KDM7A: variants seen among roughly 807,000 people sequenced by gnomAD.
KDM7A encodes the protein lysine-specific demethylase 7A.
A neutral mutation model predicts 114.8 loss-of-function variants in KDM7A; 28 were observed. The ratio of observed to expected loss-of-function variants is 0.24; its 90% confidence interval spans 0.18 to 0.33. The LOEUF (loss-of-function observed/expected upper bound fraction) is 0.33, where lower values mean the gene tolerates loss of function less well. KDM7A is among the 10% of genes least tolerant of loss of function. The probability of loss-of-function intolerance (pLI) is 1.00; values close to 1 mark genes in which losing one functional copy is unlikely to be tolerated. For missense variants in KDM7A, 942 were observed against 1,142.5 expected (o/e 0.82, Z 2.53); for synonymous variants, 423 against 397.8 (o/e 1.06, Z -0.75).
At position 140,175,849 on chromosome 7, in the gene KDM7A, C is replaced by G. The variant is rs554432336; in HGVS notation, c.194+895G>C. ...CGCCCGGGCACAGCCGCAGGCGGTCCCGGTGTCGCCAGCTTCGAGCGATGG... is the reference window on the plus strand; with the variant it reads ...CGCCCGGGCACAGCCGCAGGCGGTCGCGGTGTCGCCAGCTTCGAGCGATGG... On this transcript the variant is annotated intron_variant, in intron 1 of 19. Transcript: ENST00000397560. 8.8e-4 allele frequency among the ~76,000 whole-genome samples: 134 copies of G among 152,216 alleles called. 1 individual carries two copies. The highest frequency in any genetic ancestry group is 3.1e-3 in the African/African-American group (128 of 41,554).
intron 1 of KDM7A, among the ~76,000 whole-genome samples, chr7:140,165,962 A>G (rs771813633): frequency 2.0e-5 from 3 of 152,228 alleles, no homozygotes; most frequent in African/African-American, 4.8e-5. Context: ...TTAAACTGCA[A>G]AAGTTACAGC....
At position 140,091,150 on chromosome 7, in the gene KDM7A, G is replaced by A; in HGVS notation, c.2770C>T (p.Arg924Cys). The change falls in exon 20 of 20, where the codon CGT becomes TGT. Residue 924 changes from arginine (R) to cysteine (C), a missense_variant. By Grantham distance (180) the Arg-to-Cys change is radical. Transcript: ENST00000397560. ...PKKGMATAKQ[R>C]LGKILKLNRN... is the part of the protein sequence containing the mutation. ...TTCAACTTAAGGATCTTCCCAAGACGTTGTTTGGCTGTTGCCATTCCTTTT... is the reference window on the plus strand; with the variant it reads ...TTCAACTTAAGGATCTTCCCAAGACATTGTTTGGCTGTTGCCATTCCTTTT... 4 of 1,614,042 alleles carry A rather than the reference G, an allele frequency of 2.5e-6. No individual in the cohort carries two copies. Among genetic ancestry groups the A allele is most frequent in the South Asian group, 1.1e-5 (1 of 91,078 alleles).
chr7:140,104,347 T>C (rs372305292), intron 11 of KDM7A, among the ~76,000 whole-genome samples: 3 of 152,314 alleles, frequency 2.0e-5, no homozygotes, highest in African/African-American at 4.8e-5. Context: ...TTTCTTACCA[T>C]TGCTTTTGGT....
intron 6 of KDM7A, among the ~76,000 whole-genome samples, chr7:140,126,096 C>T (rs541673888): frequency 6.6e-6 from 1 of 152,042 alleles, no homozygotes; most frequent in Non-Finnish European, 1.5e-5. Context: ...TTTTTAGAGA[C>T]AGGGTCTCAC....
At position 140,096,715 on chromosome 7, in the gene KDM7A, C is replaced by T; in HGVS notation, c.2214G>A (p.Met738Ile). ...AATAGTGCAACCCTGCCATAGACAG[C>T]ATGCCCTGAATAGCTTCTTCCTCTG... is the stretch of plus-strand genomic sequence containing the variant. ...TSTEEEAIQG[M>I]LSMAGLHYST... is the part of the protein sequence containing the mutation. The change falls in exon 17 of 20, where the codon ATG becomes ATA. Residue 738 changes from methionine to isoleucine, a missense_variant. Met to Ile is a conservative substitution (Grantham distance 10). Transcript: ENST00000397560. 1 of 1,614,210 alleles carries T rather than the reference C, an allele frequency of 6.2e-7. No homozygotes were observed. The highest frequency in any genetic ancestry group is 8.5e-7 in the Non-Finnish European group (1 of 1,180,036).
At chr7:140,137,961 CA>C (rs35237473) in intron 2 of KDM7A, among the ~76,000 whole-genome samples, 38,603 of 152,004 alleles carry the variant, frequency 0.25, 5,163 homozygotes, top group Middle Eastern at 0.3. Context: ...TTTAAAATGA[CA>C]AAGCCTATAA....
At chr7:140,171,933 G>A (rs1722308633) in intron 1 of KDM7A, among the ~76,000 whole-genome samples, 1 of 152,100 alleles carries the variant, frequency 6.6e-6, no homozygotes, top group African/African-American at 2.4e-5. Context: ...TGACATTTAG[G>A]TTGTTACAGT....
intron 1 of KDM7A, among the ~76,000 whole-genome samples, chr7:140,174,164 C>CAA (rs751602446): frequency 1.0e-4 from 9 of 87,090 alleles, no homozygotes; most frequent in African/African-American, 3.0e-4. Context: ...ACTCCGTCTC[C>CAA]AAAAAAAAAA....
chr7:140,117,924 C>T (rs1417453197), intron 9 of KDM7A, among the ~76,000 whole-genome samples: 2 of 152,332 alleles, frequency 1.3e-5, no homozygotes, highest in East Asian at 1.9e-4. Context: ...ACCAGAAGCA[C>T]TGCCAGGACA....
At chr7:140,144,636 A>G (rs545726289) in intron 1 of KDM7A, among the ~76,000 whole-genome samples, 2 of 152,280 alleles carry the variant, frequency 1.3e-5, no homozygotes, top group South Asian at 4.1e-4. Context: ...CGAAAGACTA[A>G]GAAACACAAT....
intron 1 of KDM7A, among the ~76,000 whole-genome samples, chr7:140,156,376 A>G (rs762535705): frequency 1.6e-4 from 24 of 152,242 alleles, no homozygotes; most frequent in Non-Finnish European, 3.4e-4. Flanking sequence ...AATGAAATCC[A>G]AACTCTATTT....
At chr7:140,128,446 C>A (rs1818739408) in intron 4 of KDM7A, among the ~76,000 whole-genome samples, 1 of 152,222 alleles carries the variant, frequency 6.6e-6, no homozygotes, top group Admixed American at 6.5e-5. Context: ...CGGTTCTGCT[C>A]ATAGTATTTA....
At chr7:140,118,096 T>A (rs1194732403) in intron 9 of KDM7A, among the ~76,000 whole-genome samples, 2 of 152,250 alleles carry the variant, frequency 1.3e-5, no homozygotes, top group African/African-American at 2.4e-5. Context: ...AAGAAGCAAA[T>A]GTTCACAATA....
In KDM7A at chr7:140,176,638, G is replaced by T; in HGVS notation, c.194+106C>A. 1.2e-6 allele frequency: 1 copy of T among 846,440 alleles called. No homozygotes were observed. Among genetic ancestry groups the T allele is most frequent in the Non-Finnish European group, 1.4e-6 (1 of 700,750 alleles). 52.4% of individuals were successfully genotyped at this position (846,440 alleles called of 1,614,324 possible). ...GGCACCGGGGCCCCCTGAAAGCTGG[G>T]CGCGGCGCGGCGGCCCGGCCCGAGG... is the stretch of plus-strand genomic sequence containing the variant. On this transcript the variant is annotated intron_variant, in intron 1 of 19. Coordinates refer to ENST00000397560, the MANE Select transcript of KDM7A (RefSeq NM_030647.2). This position sits in a 1 kb window ranked among gnomAD's most constrained non-coding sequence, Gnocchi z 4.4.
At chr7:140,172,772 G>C (rs1395988952) in intron 1 of KDM7A, among the ~76,000 whole-genome samples, 1 of 151,940 alleles carries the variant, frequency 6.6e-6, no homozygotes, top group Non-Finnish European at 1.5e-5. Flanking sequence ...GAACATTAAA[G>C]ATACAGGAAA....
intron 17 of KDM7A, among the ~76,000 whole-genome samples, chr7:140,095,019 T>C (rs1359645733): frequency 6.6e-6 from 1 of 152,198 alleles, no homozygotes; most frequent in East Asian, 1.9e-4. Context: ...GGCTAATTTT[T>C]GTATTTTTAC....
chr7:140,112,093 G>A (rs964241471), intron 10 of KDM7A, among the ~76,000 whole-genome samples: 3 of 152,132 alleles, frequency 2.0e-5, no homozygotes. Flanking sequence ...TTTTAAATTT[G>A]CTTATGGCTT....
At position 140,096,881 on chromosome 7, in the gene KDM7A, T is replaced by G; in HGVS notation, c.2165+18A>C. Reference sequence around the variant, plus strand: ...TACCTTACAATATAATAAGACTTACTACTATCAGCAAGCCTACCTTTTAAT... The same window carrying G: ...TACCTTACAATATAATAAGACTTACGACTATCAGCAAGCCTACCTTTTAAT... On this transcript the variant is annotated intron_variant, in intron 16 of 19. Coordinates refer to ENST00000397560, the MANE Select transcript of KDM7A (RefSeq NM_030647.2). 1 of 1,611,512 alleles carries G rather than the reference T, an allele frequency of 6.2e-7. No homozygotes were observed. Among genetic ancestry groups the G allele is most frequent in the Non-Finnish European group, 8.5e-7 (1 of 1,178,238 alleles).
rs1818159724 is a variant in KDM7A at position 140,099,024 on chromosome 7, C to T, written c.1773G>A (p.Arg591=). 2.5e-6 allele frequency: 4 copies of T among 1,609,852 alleles called. No homozygotes were observed. Among genetic ancestry groups the T allele is most frequent in the African/African-American group, 1.3e-5 (1 of 74,590 alleles). Residue 591 remains arginine (R), a synonymous_variant, in exon 14 of 20, where the codon AGG becomes AGA. Coordinates refer to ENST00000397560, the MANE Select transcript of KDM7A (RefSeq NM_030647.2). Reference sequence around the variant, plus strand: ...AAAGACTTTGATCTGCAAAGGGCTGCCTTTCATCTCTGTATTAAGAAGGAA... The same window carrying T: ...AAAGACTTTGATCTGCAAAGGGCTGTCTTTCATCTCTGTATTAAGAAGGAA... ...LTNGRIIKDE[R]QPFADQSLYT...
Sources: allele counts gnomAD v4.1 joint callset (sites outside exome capture counted in the v4.1 genomes callset), GRCh38; gene constraint gnomAD v4.1.1; non-coding constraint Gnocchi (gnomAD v3.1); transcripts MANE v1.5; gene names NCBI Gene and HGNC (gene_info 2026-07-23, HGNC 2026-07-21).